TAFA2: variants seen among roughly 807,000 people sequenced by gnomAD.
The protein encoded by TAFA2 is chemokine-like protein TAFA-2.
A neutral mutation model predicts 18.8 loss-of-function variants in TAFA2; 7 were observed. That is an observed-to-expected ratio of 0.37 (90% confidence interval 0.21 to 0.70). The LOEUF (loss-of-function observed/expected upper bound fraction) is 0.70. Among genes scored for constraint, TAFA2 ranks in the 30% least tolerant of loss-of-function variants. TAFA2 has a pLI of 0.53. For missense variants in TAFA2, 122 were observed against 158.1 expected, an observed-to-expected ratio of 0.77 and a Z score of 1.23; for synonymous variants, 60 against 54.2, an observed-to-expected ratio of 1.11 and a Z score of -0.47.
intron 4 of TAFA2, among the ~76,000 whole-genome samples, chr12:61,725,571 T>G (rs12813235): frequency 0.1 from 15,910 of 152,126 alleles, 1,080 homozygotes; most frequent in East Asian, 0.23. Flanking sequence ...TTTTGTTTGC[T>G]TTGTCAAAGA....
chr12:62,031,107 T>C (rs1881446080), intron 1 of TAFA2, among the ~76,000 whole-genome samples: 1 of 152,144 alleles, frequency 6.6e-6, no homozygotes, highest in Non-Finnish European at 1.5e-5. Context: ...TGATGTTTAA[T>C]ACTGAGTGTC....
intron 1 of TAFA2, among the ~76,000 whole-genome samples, chr12:62,078,739 G>A (rs967512204): frequency 2.6e-5 from 4 of 152,152 alleles, no homozygotes; most frequent in African/African-American, 9.7e-5. Flanking sequence ...CCCTTGTCTT[G>A]CTAGAGCTGC....
intron 1 of TAFA2, among the ~76,000 whole-genome samples, chr12:62,088,732 C>G (rs928780869): frequency 6.6e-6 from 1 of 150,850 alleles, no homozygotes; most frequent in African/African-American, 2.4e-5. Context: ...TATCTAGCAT[C>G]TAAAACCAAG....
intron 1 of TAFA2, among the ~76,000 whole-genome samples, chr12:62,178,794 T>G (rs1344424531): frequency 2.0e-5 from 3 of 152,236 alleles, no homozygotes; most frequent in African/African-American, 7.2e-5. Context: ...TAAGTAAATC[T>G]GCCCTGTAAT....
rs575477096 is a variant in TAFA2 at position 62,104,659 on chromosome 12, A to G, written c.-2+86600T>C. 20 of 455,130 alleles carry G rather than the reference A, an allele frequency of 4.4e-5. 1 individual carries two copies. The highest frequency in any genetic ancestry group is 3.1e-4 in the South Asian group (20 of 64,460). 28.2% of individuals were successfully genotyped at this position (455,130 alleles called of 1,614,324 possible). Reference sequence around the variant, plus strand: ...CACACAGATACAAATCATTACATACATATTTTCAAGATAAGCAATAACTAG... The same window carrying G: ...CACACAGATACAAATCATTACATACGTATTTTCAAGATAAGCAATAACTAG... On this transcript the variant is annotated intron_variant, in intron 1 of 4. Coordinates refer to ENST00000416284, the MANE Select transcript of TAFA2 (RefSeq NM_178539.5).
At chr12:61,815,126 G>C (rs919047021) in intron 2 of TAFA2, among the ~76,000 whole-genome samples, 6 of 151,454 alleles carry the variant, frequency 4.0e-5, no homozygotes, top group Non-Finnish European at 5.9e-5. Context: ...TCATGGAGTA[G>C]AGTAGTCATG....
At chr12:61,814,202 G>T (rs1871986463) in intron 2 of TAFA2, among the ~76,000 whole-genome samples, 1 of 151,278 alleles carries the variant, frequency 6.6e-6, no homozygotes. Context: ...TTGAAGAAGA[G>T]CATTTGTGCC....
At chr12:62,155,606 A>G (rs923262035) in intron 1 of TAFA2, among the ~76,000 whole-genome samples, 1 of 152,194 alleles carries the variant, frequency 6.6e-6, no homozygotes, top group African/African-American at 2.4e-5. Context: ...CACATAGACC[A>G]ATGGAACAGA....
intron 1 of TAFA2, among the ~76,000 whole-genome samples, chr12:62,113,289 G>A (rs1869816733): frequency 6.6e-6 from 1 of 152,132 alleles, no homozygotes; most frequent in Non-Finnish European, 1.5e-5. Flanking sequence ...TCCAGACCCC[G>A]TTTCCCTGGG....
chr12:61,854,298 A>G (rs1479921031), intron 2 of TAFA2, among the ~76,000 whole-genome samples: 1 of 152,166 alleles, frequency 6.6e-6, no homozygotes, highest in Non-Finnish European at 1.5e-5. Flanking sequence ...TAAATAAAGA[A>G]ATCTCCCCCC....
intron 1 of TAFA2, among the ~76,000 whole-genome samples, chr12:61,891,428 C>A (rs1438129504): frequency 6.6e-6 from 1 of 152,166 alleles, no homozygotes; most frequent in Admixed American, 6.5e-5. Flanking sequence ...GGGCGGATCC[C>A]CTGAAGTCAG....
intron 2 of TAFA2, among the ~76,000 whole-genome samples, chr12:61,843,689 A>T (rs1873284542): frequency 6.6e-6 from 1 of 152,164 alleles, no homozygotes; most frequent in Admixed American, 6.6e-5. Flanking sequence ...TATGTGCCAG[A>T]TGTTACCTTC....
At chr12:62,003,477 C>T (rs1027958371) in intron 1 of TAFA2, among the ~76,000 whole-genome samples, 9 of 152,180 alleles carry the variant, frequency 5.9e-5, no homozygotes, top group Non-Finnish European at 1.3e-4. Flanking sequence ...ACTCTCTTGA[C>T]TTCCTCCTTT....
At chr12:61,870,350 C>T (rs761709753) in intron 1 of TAFA2, among the ~76,000 whole-genome samples, 10 of 152,152 alleles carry the variant, frequency 6.6e-5, no homozygotes, top group Non-Finnish European at 1.2e-4. Context: ...AATTGCCCTC[C>T]TATGTCTGTC....
chr12:62,093,583 C>T (rs1010702144), intron 1 of TAFA2, among the ~76,000 whole-genome samples: 2 of 152,030 alleles, frequency 1.3e-5, no homozygotes, highest in Admixed American at 6.6e-5. Context: ...ATAATAACCA[C>T]TAGAATTTAT....
upstream of TAFA2, chr12:62,259,969 C>T (rs2062983256): frequency 5.5e-6 from 1 of 180,758 alleles, no homozygotes; most frequent in Admixed American, 5.7e-5. Context: ...TCTGCCATAT[C>T]TTAGCCGTCC....
At chr12:62,203,899 C>T (rs2136969226) in intron 1 of TAFA2, among the ~76,000 whole-genome samples, 1 of 152,298 alleles carries the variant, frequency 6.6e-6, no homozygotes, top group East Asian at 1.9e-4. Flanking sequence ...GGCTATTTTG[C>T]AGACTTGTTG....
chr12:61,759,302 T>C (rs1419317454), intron 2 of TAFA2, among the ~76,000 whole-genome samples: 1 of 152,048 alleles, frequency 6.6e-6, no homozygotes, highest in Non-Finnish European at 1.5e-5. Flanking sequence ...CACCACTCCA[T>C]TTAATTTAGA....
At chr12:62,193,596 C>A (rs1245517018), upstream of TAFA2, among the ~76,000 whole-genome samples, 1 of 152,166 alleles carries the variant, frequency 6.6e-6, no homozygotes, top group Non-Finnish European at 1.5e-5. Flanking sequence ...ATCTAAAATG[C>A]ATCAAGTAAT....
Sources: allele counts gnomAD v4.1 joint callset (sites outside exome capture counted in the v4.1 genomes callset), GRCh38; gene constraint gnomAD v4.1.1; transcripts MANE v1.5; gene names NCBI Gene and HGNC (gene_info 2026-07-23, HGNC 2026-07-21).